CALN1: variants seen among roughly 807,000 people sequenced by gnomAD.
The protein encoded by CALN1 is calneuron 1.
A neutral mutation model predicts 30.6 loss-of-function variants in CALN1; 17 were observed. The ratio of observed to expected loss-of-function variants is 0.56; its 90% confidence interval spans 0.38 to 0.83. The LOEUF (loss-of-function observed/expected upper bound fraction) is 0.83. Ranked by LOEUF, CALN1 falls within the 40% of genes least tolerant of loss-of-function variation. The pLI is 0.00. For synonymous variants in CALN1, 156 were observed against 131.4 expected (o/e 1.19, Z -1.28); for missense variants, 291 against 354.9 (o/e 0.82, Z 1.45).
intron 2 of CALN1, among the ~76,000 whole-genome samples, chr7:72,289,182 A>G (rs1783399384): frequency 6.6e-6 from 1 of 152,186 alleles, no homozygotes; most frequent in Non-Finnish European, 1.5e-5. Context: ...CTCATTCTGG[A>G]CAATTCTAAG....
intron 4 of CALN1, among the ~76,000 whole-genome samples, chr7:72,054,864 T>C (rs1803148035): frequency 6.6e-6 from 1 of 152,016 alleles, no homozygotes; most frequent in South Asian, 2.1e-4. Context: ...GGAGTTTCCC[T>C]ATTATAACAA....
At chr7:72,381,746 T>G (rs977728015) in intron 2 of CALN1, among the ~76,000 whole-genome samples, 1 of 152,176 alleles carries the variant, frequency 6.6e-6, no homozygotes, top group Non-Finnish European at 1.5e-5. Flanking sequence ...AAATACCTAA[T>G]GCATGCAGGG....
chr7:72,388,145 T>C (rs1479656710), intron 2 of CALN1, among the ~76,000 whole-genome samples: 3 of 152,292 alleles, frequency 2.0e-5, no homozygotes, highest in Admixed American at 1.3e-4. Flanking sequence ...AAATGATAAA[T>C]GTTTGAAGTG....
chr7:72,278,926 T>C, intron 2 of CALN1, 116 bp from the exon 3 acceptor site: 2 of 1,356,150 alleles, frequency 1.5e-6, no homozygotes, highest in Non-Finnish European at 2.0e-6. Flanking sequence ...AAAATAGCAG[T>C]AATATTTCTA....
chr7:72,258,222 C>T (rs115201622), intron 3 of CALN1, among the ~76,000 whole-genome samples: 2,442 of 152,284 alleles, frequency 0.016, 36 homozygotes, highest in African/African-American at 0.032. Context: ...GCTCCTTCAC[C>T]GGCAAGAAGT....
chr7:72,348,914 G>T (rs1273827213), intron 2 of CALN1, among the ~76,000 whole-genome samples: 5 of 152,096 alleles, frequency 3.3e-5, no homozygotes, highest in Admixed American at 6.5e-5. Flanking sequence ...GAAACAGAAG[G>T]AAAAATAACA....
At chr7:72,163,519 G>A (rs1238680114) in intron 3 of CALN1, among the ~76,000 whole-genome samples, 6 of 151,964 alleles carry the variant, frequency 3.9e-5, no homozygotes, top group Non-Finnish European at 7.4e-5. Flanking sequence ...TTAAAATGAA[G>A]TTCAAAGACT....
At chr7:72,303,881 T>G (rs778832734) in intron 2 of CALN1, among the ~76,000 whole-genome samples, 1 of 152,070 alleles carries the variant, frequency 6.6e-6, no homozygotes, top group South Asian at 2.1e-4. Flanking sequence ...CTCGAGAAAA[T>G]AAAAAGTAAA....
At chr7:71,973,893 T>C (rs2129526568) in intron 5 of CALN1, among the ~76,000 whole-genome samples, 1 of 152,322 alleles carries the variant, frequency 6.6e-6, no homozygotes, top group Middle Eastern at 3.4e-3. Flanking sequence ...GTCTCAGAGA[T>C]TCCATTTAAA....
chr7:72,292,367 T>C (rs574993074), intron 2 of CALN1, among the ~76,000 whole-genome samples: 2 of 151,232 alleles, frequency 1.3e-5, no homozygotes, highest in African/African-American at 4.9e-5. Context: ...TGTCCCCTTA[T>C]AAGAGGACAT....
intron 5 of CALN1, among the ~76,000 whole-genome samples, chr7:71,856,945 A>AT (rs1004140878): frequency 1.3e-5 from 2 of 151,960 alleles, no homozygotes; most frequent in African/African-American, 4.8e-5. Flanking sequence ...ACAGAGTGAG[A>AT]TTTTGTCTCA....
intron 5 of CALN1, among the ~76,000 whole-genome samples, chr7:71,932,815 C>CAAAAAAA (rs5884864): frequency 1.2e-5 from 1 of 82,704 alleles, no homozygotes. Context: ...TACTCCATCT[C>CAAAAAAA]AAAAAAAAAA....
Position 71,867,068 on chromosome 7 carries a change from C to T in CALN1, c.502-56576G>A, listed in dbSNP as rs1791628013. Among the ~76,000 whole-genome samples, 2 of 151,908 alleles carry T rather than the reference C, an allele frequency of 1.3e-5. 1 individual carries two copies. The highest frequency in any genetic ancestry group is 4.2e-4 in the South Asian group (2 of 4,798). Reference sequence around the variant, plus strand: ...GCGGAGGCAGGGGAATCGCTTGAATCCGGGAGGCAGAGGTTGCAGTGAGCC... The same window carrying T: ...GCGGAGGCAGGGGAATCGCTTGAATTCGGGAGGCAGAGGTTGCAGTGAGCC... On this transcript the variant is annotated intron_variant, in intron 5 of 6. Transcript: ENST00000395275.
At chr7:72,473,171 G>A in the CALN1 span, among the ~76,000 whole-genome samples, 12 of 151,104 alleles carry the variant, frequency 7.9e-5, no homozygotes, top group Non-Finnish European at 1.5e-4. Flanking sequence ...GGCTGGTCTC[G>A]AACTCCTGGA....
At chr7:71,884,050 A>G (rs1159335177) in intron 5 of CALN1, among the ~76,000 whole-genome samples, 1 of 152,018 alleles carries the variant, frequency 6.6e-6, no homozygotes, top group Non-Finnish European at 1.5e-5. Flanking sequence ...AGTAGCTGGG[A>G]CTACAGGTGT....
intron 3 of CALN1, among the ~76,000 whole-genome samples, chr7:72,216,045 C>T (rs1395892741): frequency 2.0e-5 from 3 of 152,144 alleles, no homozygotes; most frequent in Non-Finnish European, 4.4e-5. Flanking sequence ...CTTCCTCCCT[C>T]CCCACCAATA....
intron 4 of CALN1, among the ~76,000 whole-genome samples, chr7:72,085,625 G>A (rs766193992): frequency 6.6e-6 from 1 of 152,182 alleles, no homozygotes; most frequent in African/African-American, 2.4e-5. Context: ...GTAAGCCACA[G>A]AGTGGGAAAA....
chr7:72,078,623 C>T (rs1045080627), intron 4 of CALN1, among the ~76,000 whole-genome samples: 5 of 152,082 alleles, frequency 3.3e-5, no homozygotes, highest in African/African-American at 1.2e-4. Flanking sequence ...GGCCCCTCCG[C>T]CTTCTGAGTA....
chr7:72,123,854 ACT>A (rs1446688792), intron 3 of CALN1, among the ~76,000 whole-genome samples: 2 of 152,316 alleles, frequency 1.3e-5, no homozygotes, highest in South Asian at 2.1e-4. Context: ...GTTTTAACAC[ACT>A]GTTTCTCTAT....
Sources: allele counts gnomAD v4.1 joint callset (sites outside exome capture counted in the v4.1 genomes callset), GRCh38; gene constraint gnomAD v4.1.1; transcripts MANE v1.5; gene names NCBI Gene and HGNC (gene_info 2026-07-23, HGNC 2026-07-21).